ZNF670: variants seen among roughly 807,000 people sequenced by gnomAD.
ZNF670 encodes zinc finger protein 670.
In ZNF670, 7 loss-of-function variants were observed where a neutral mutation model predicts 10.9. The ratio of observed to expected loss-of-function variants is 0.64; its 90% CI spans 0.36 to 1.20. The LOEUF (loss-of-function observed/expected upper bound fraction) is 1.20. Among genes scored for constraint, ZNF670 ranks in the 50% most tolerant of loss-of-function variants. The pLI is 0.02. For missense variants in ZNF670, 446 were observed against 458.6 expected, an observed-to-expected ratio of 0.97 and a Z score of 0.25; for synonymous variants, 136 against 152.7, an observed-to-expected ratio of 0.89 and a Z score of 0.81.
intron 1 of ZNF670, among the ~76,000 whole-genome samples, chr1:247,047,869 G>A (rs1484700382): frequency 2.6e-5 from 4 of 151,996 alleles, no homozygotes; most frequent in African/African-American, 9.7e-5. Context: ...ACAAAAAGCA[G>A]CAAGGCCCTG....
intron 1 of ZNF670, among the ~76,000 whole-genome samples, chr1:247,055,969 A>T (rs567362585): frequency 7.3e-4 from 111 of 152,324 alleles, no homozygotes; most frequent in Middle Eastern, 3.4e-3. Context: ...AAGAGGATAT[A>T]ACCATTTTCA....
In ZNF670 at chr1:247,037,543, T is replaced by C. The variant is rs753484437; in HGVS notation, c.1076A>G (p.His359Arg). 2 of 1,614,170 alleles carry C rather than the reference T, an allele frequency of 1.2e-6. No homozygotes were observed. The highest frequency in any genetic ancestry group is 1.7e-6 in the Non-Finnish European group (2 of 1,180,000). ...SSALRSHERT[H>R]TGEKPYECKK... ...ACATTCATAGGGTTTTTCTCCAGTA[T>C]GAGTCCTTTCATGGCTTCGAAGGGC... Residue 359 changes from histidine to arginine, a missense_variant, in exon 4 of 4, where the codon CAT (histidine) becomes CGT (arginine). Transcript: ENST00000366503.
chr1:247,038,757 G>T, intron 3 of ZNF670, 53 bp downstream of exon 3: 3 of 1,460,840 alleles, frequency 2.1e-6, no homozygotes, highest in South Asian at 1.2e-5. Context: ...AAAAACTTAT[G>T]ACATGCTAAG....
intron 1 of ZNF670, among the ~76,000 whole-genome samples, chr1:247,050,159 A>G (rs964633720): frequency 1.7e-4 from 26 of 152,204 alleles, no homozygotes; most frequent in African/African-American, 6.3e-4. Flanking sequence ...CATCTATCTC[A>G]TTTTTAGGTC....
At chr1:247,066,289 C>T (rs962707285) in intron 1 of ZNF670, among the ~76,000 whole-genome samples, 5 of 152,104 alleles carry the variant, frequency 3.3e-5, no homozygotes, top group Admixed American at 3.3e-4. Context: ...ATTTCTGGCC[C>T]TGGGTGGTTC....
In ZNF670 at chr1:247,047,448, T is replaced by C. The variant is rs141390721; in HGVS notation, c.4-7911A>G. On this transcript the variant is annotated intron_variant, in intron 1 of 3. Transcript: ENST00000366503. ...ATTTCCCTTCCACACTGCCTTAGCA[T>C]AGATTCTCTATGTGGGCTACACCAC... Among the ~76,000 whole-genome samples, 449 of 152,222 alleles carry C rather than the reference T, an allele frequency of 2.9e-3. 5 individuals carry two copies. Among genetic ancestry groups the C allele is most frequent in the African/African-American group, 0.01 (432 of 41,510 alleles).
chr1:247,041,151 T>C (rs1389862027), intron 1 of ZNF670, among the ~76,000 whole-genome samples: 4 of 152,164 alleles, frequency 2.6e-5, no homozygotes, highest in African/African-American at 9.7e-5. Context: ...AAGTTCTTTA[T>C]TTCAAATATG....
At chr1:247,059,482 T>C (rs1017207957) in intron 1 of ZNF670, among the ~76,000 whole-genome samples, 1 of 150,808 alleles carries the variant, frequency 6.6e-6, no homozygotes, top group African/African-American at 2.4e-5. Context: ...AGTAAATAAA[T>C]AAACAAAAAT....
chr1:247,037,993 GAAT>G lies in ZNF670; in HGVS notation c.623_625del (p.Tyr208del). 1 of 1,613,488 alleles carries G rather than the reference GAAT, an allele frequency of 6.2e-7. No individual in the cohort carries two copies. The highest frequency in any genetic ancestry group is 1.1e-5 in the South Asian group (1 of 90,960). On this transcript the variant is annotated inframe_deletion, in exon 4 of 4. Coordinates refer to ENST00000366503, the MANE Select transcript of ZNF670 (RefSeq NM_033213.5). ...TCTTTCATGTTCACGAAGATAACTT[GAAT>G]AATTGAAGGCTTTATCACAATGTTT...
chr1:247,044,952 C>T (rs1158502365), intron 1 of ZNF670, among the ~76,000 whole-genome samples: 2 of 149,018 alleles, frequency 1.3e-5, no homozygotes, highest in African/African-American at 5.0e-5. Context: ...CCCCAGAACA[C>T]AAAAGTTAAA....
At chr1:247,068,565 T>C (rs557925986) in intron 1 of ZNF670, among the ~76,000 whole-genome samples, 1 of 150,656 alleles carries the variant, frequency 6.6e-6, no homozygotes, top group Non-Finnish European at 1.5e-5. Flanking sequence ...TTGGTGGGAA[T>C]GTAAATTAGT....
At chr1:247,059,062 AG>A (rs1197804361) in intron 1 of ZNF670, among the ~76,000 whole-genome samples, 1 of 152,164 alleles carries the variant, frequency 6.6e-6, no homozygotes, top group Non-Finnish European at 1.5e-5. Flanking sequence ...CCAAAACTAC[AG>A]GAATACATTA....
chr1:247,066,014 T>C lies in ZNF670; in HGVS notation c.3+12580A>G, dbSNP rs184583140. Among the ~76,000 whole-genome samples the C allele has an allele frequency of 2.4e-3, 362 of 152,284 alleles. 2 individuals are homozygous for C. Among genetic ancestry groups the C allele is most frequent in the African/African-American group, 8.4e-3 (349 of 41,558 alleles). On this transcript the variant is annotated intron_variant, in intron 1 of 3. Coordinates refer to ENST00000366503, the MANE Select transcript of ZNF670 (RefSeq NM_033213.5). ...CAGCTCAAGTCCCATAGCAGTGTAA[T>C]GGGTGAATAGGGGCACCCACAGCCT...
At chr1:247,040,180 A>T (rs1670271317) in intron 1 of ZNF670, among the ~76,000 whole-genome samples, 1 of 152,192 alleles carries the variant, frequency 6.6e-6, no homozygotes, top group Non-Finnish European at 1.5e-5. Flanking sequence ...AATATTTCTC[A>T]TATGCTGTTA....
intron 1 of ZNF670, among the ~76,000 whole-genome samples, chr1:247,058,165 G>T (rs1670764601): frequency 6.6e-6 from 1 of 151,952 alleles, no homozygotes; most frequent in Admixed American, 6.6e-5. Context: ...TAAAACTAGT[G>T]AACATATAAA....
In ZNF670 at chr1:247,038,420, C is replaced by T. The variant is rs773288492; in HGVS notation, c.199G>A (p.Val67Met). 8.7e-6 allele frequency: 14 copies of T among 1,603,346 alleles called. No homozygotes were observed. The highest frequency in any genetic ancestry group is 1.2e-5 in the Non-Finnish European group (14 of 1,175,568). Reference sequence around the variant, plus strand: ...TTAATTTCAAACAGTCTCTCTACCACATGACTGCTGTAAAAATGATAAACA... The same window carrying T: ...TTAATTTCAAACAGTCTCTCTACCATATGACTGCTGTAAAAATGATAAACA... Reference protein sequence around the residue: ...KNPGRNLSSHVVERLFEIKEG... With the variant: ...KNPGRNLSSHMVERLFEIKEG... The change falls in exon 4 of 4, where the codon GTG (valine) becomes ATG (methionine). Residue 67 changes from valine to methionine, a missense_variant. Val to Met is a conservative substitution (Grantham distance 21, BLOSUM62 1). Transcript: ENST00000366503.
rs1485999234 is a variant in ZNF670 at position 247,034,827 on chromosome 1, G to A, written c.*2622C>T. Among the ~76,000 whole-genome samples, 1 of 152,316 alleles carries A rather than the reference G, an allele frequency of 6.6e-6. No individual in the cohort carries two copies. Among genetic ancestry groups the A allele is most frequent in the African/African-American group, 2.4e-5 (1 of 41,570 alleles). ...AACCAAACGAGATGCAGTTACCACAGAGCAGTAGTCTGACTTTTGATAATC... is the reference window on the plus strand; with the variant it reads ...AACCAAACGAGATGCAGTTACCACAAAGCAGTAGTCTGACTTTTGATAATC... On this transcript the variant is annotated 3_prime_UTR_variant, in exon 4 of 4. Coordinates refer to ENST00000366503, the MANE Select transcript of ZNF670 (RefSeq NM_033213.5).
At chr1:247,055,607 G>C (rs1309237582) in intron 1 of ZNF670, among the ~76,000 whole-genome samples, 2 of 152,136 alleles carry the variant, frequency 1.3e-5, no homozygotes, top group Admixed American at 6.5e-5. Flanking sequence ...TGCACAACTA[G>C]AGACTGCTAC....
At position 247,038,400 on chromosome 1, in the gene ZNF670, T is replaced by A. The variant is rs778598074; in HGVS notation, c.219A>T (p.Glu73Asp). The change falls in exon 4 of 4, where the codon GAA becomes GAT. Residue 73 changes from glutamate (E) to aspartate (D), a missense_variant. Coordinates refer to ENST00000366503, the MANE Select transcript of ZNF670 (RefSeq NM_033213.5). ...CTCCATATTGACTGCCTTCTTTAAT[T>A]TCAAACAGTCTCTCTACCACATGAC... ...LSSHVVERLF[E>D]IKEGSQYGET... 1 of 1,612,146 alleles carries A rather than the reference T, an allele frequency of 6.2e-7. No homozygotes were observed. The highest frequency in any genetic ancestry group is 8.5e-7 in the Non-Finnish European group (1 of 1,179,468).
Sources: allele counts gnomAD v4.1 joint callset (sites outside exome capture counted in the v4.1 genomes callset), GRCh38; gene constraint gnomAD v4.1.1; transcripts MANE v1.5; gene names NCBI Gene and HGNC (gene_info 2026-07-23, HGNC 2026-07-21).